The following INF2 variants were observed in gnomAD, a reference collection of about 807,000 sequenced individuals.
INF2 encodes the protein inverted formin 2.
Under a neutral mutation model 123.5 loss-of-function variants are expected in INF2, and 43 were observed. That is an observed-to-expected ratio of 0.35 (90% CI 0.27 to 0.45). The LOEUF is 0.45. Among genes scored for constraint, INF2 ranks in the 20% least tolerant of loss-of-function variants. The pLI is 1.00. For missense variants in INF2, 1,453 were observed against 1,682.7 expected (o/e 0.86, Z 2.39); for synonymous variants, 851 against 745.0 (o/e 1.14, Z -2.32).
At chr14:104,686,706 G>A (rs1046227547), upstream of INF2, among the ~76,000 whole-genome samples, 2 of 152,210 alleles carry the variant, frequency 1.3e-5, no homozygotes, top group African/African-American at 4.8e-5. Flanking sequence ...TGGCCAGGCT[G>A]CTGCTCAGGT....
intron 1 of INF2, among the ~76,000 whole-genome samples, chr14:104,698,109 G>C (rs1302979307): frequency 6.6e-6 from 1 of 152,246 alleles, no homozygotes; most frequent in Non-Finnish European, 1.5e-5. Flanking sequence ...GGGGAGCTCT[G>C]AGGACACATT....
Position 104,708,261 on chromosome 14 carries a change from C to T in INF2, c.1736-175C>T, listed in dbSNP as rs113514625. ...TCTGGGGTGCCATGGTGCCCTGGGG[C>T]CCTGCTACAGGTGCTCAGGTAGGGA... On this transcript the variant is annotated intron_variant, in intron 8 of 22. Transcript: ENST00000392634. 0.13 allele frequency: 120,629 copies of T among 905,310 alleles called. 8,910 individuals are homozygous for T. The highest frequency in any genetic ancestry group is 0.15 in the Non-Finnish European group (89,210 of 606,992). The allele number at this position is 905,310 out of a possible 1,614,324, so 56.1% of individuals were successfully genotyped here. A position where few individuals can be genotyped will look rare whatever the true frequency, so the allele number is the denominator to read the frequency against.
rs777655394 is a variant in INF2 at position 104,714,762 on chromosome 14, C to A, written c.3600C>A (p.Asp1200Glu). The A allele has an allele frequency of 6.2e-7, 1 of 1,600,306 alleles. No individual in the cohort carries two copies. The highest frequency in any genetic ancestry group is 8.5e-7 in the Non-Finnish European group (1 of 1,174,054). The change falls in exon 21 of 23, where the codon GAC (aspartate) becomes GAA (glutamate). Residue 1200 changes from aspartate (D) to glutamate (E), a missense_variant. Coordinates refer to ENST00000392634, the MANE Select transcript of INF2 (RefSeq NM_022489.4). Reference sequence around the variant, plus strand: ...CCTTCTCCGAGGATGCGGTGACCGACTCCTCGGGGTCGGGCACACTCCCCA... The same window carrying A: ...CCTTCTCCGAGGATGCGGTGACCGAATCCTCGGGGTCGGGCACACTCCCCA... Reference protein sequence around the residue: ...DKSFSEDAVTDSSGSGTLPRA... With the variant: ...DKSFSEDAVTESSGSGTLPRA...
Position 104,707,044 on chromosome 14 carries a change from C to T in INF2, c.978C>T (p.Ala326=). 1 of 1,579,938 alleles carries T rather than the reference C, an allele frequency of 6.3e-7. No homozygotes were observed. Among genetic ancestry groups the T allele is most frequent in the Middle Eastern group, 2.0e-4 (1 of 5,078 alleles). Residue 326 remains alanine (A), a synonymous_variant, in exon 7 of 23, where the codon GCC becomes GCT. Transcript: ENST00000392634. The part of the protein sequence containing the change: ...ESLVNRAVLL[A]SDAQECTLEE... Reference sequence around the variant, plus strand: ...TCGTGAACCGGGCCGTGCTCCTGGCCAGCGATGGTGAGGGGGCGGGGCAGG... The same window carrying T: ...TCGTGAACCGGGCCGTGCTCCTGGCTAGCGATGGTGAGGGGGCGGGGCAGG...
chr14:104,703,061 G>T, intron 2 of INF2, 44 bp from the exon 3 acceptor site: 1 of 1,477,878 alleles, frequency 6.8e-7, no homozygotes, highest in South Asian at 1.1e-5. Flanking sequence ...GGCATGGGAA[G>T]GGGTGCATTG....
In INF2 at chr14:104,714,384, G is replaced by A; in HGVS notation, c.3222G>A (p.Arg1074=). 6.2e-7 allele frequency: 1 copy of A among 1,600,964 alleles called. No homozygotes were observed. The highest frequency in any genetic ancestry group is 1.1e-5 in the South Asian group (1 of 89,334). ...AGGGTGGTCCACGGCCCCTGGAGAG[G>A]CGTTCTTCCTGGTATGTGGATGCCA... is the stretch of plus-strand genomic sequence containing the variant. The part of the protein sequence containing the change: ...LEEGGPRPLE[R]RSSWYVDASD... The change falls in exon 21 of 23, where the codon AGG becomes AGA. Residue 1074 remains arginine (R), a synonymous_variant. Coordinates refer to ENST00000392634, the MANE Select transcript of INF2 (RefSeq NM_022489.4).
intron 1 of INF2, among the ~76,000 whole-genome samples, chr14:104,695,591 A>AGTGACCCCTCCTCCCC: frequency 2.0e-5 from 3 of 149,912 alleles, no homozygotes; most frequent in Admixed American, 1.3e-4. Context: ...CTCTCCTCCC[A>AGTGACCCCTCCTCCCC]GTGACCCCTC....
rs752048486 is a variant in INF2 at position 104,711,160 on chromosome 14, G to C, written c.2392G>C (p.Val798Leu). 3.8e-6 allele frequency: 6 copies of C among 1,567,602 alleles called. 1 individual carries two copies. In the Admixed American group the frequency reaches 5.6e-5, roughly 15 times the overall value. Residue 798 changes from valine (V) to leucine (L), a missense_variant, in exon 15 of 23, where the codon GTG becomes CTG. Physicochemically the swap from Val to Leu is conservative, Grantham distance 32 (BLOSUM62 1). Around this residue, in one of 8 missense-constraint regions of INF2, gnomAD observed 31 missense variants for 86.0 expected, o/e 0.36. Transcript: ENST00000392634. ...GGAGACCAAGTCCCAGCAGAACCGC[G>C]TGACGCTGCTGCACCACGTGCTGGA... ...LTETKSQQNR[V>L]TLLHHVLEEA...
At position 104,714,578 on chromosome 14, in the gene INF2, G is replaced by A; in HGVS notation, c.3416G>A (p.Gly1139Asp). ...GCCAAGGATCCCACGTCCTTGCTGG[G>A]CGTCCTCCAGGCCGAGGCCGACAGC... ...QDAKDPTSLL[G>D]VLQAEADSTS... Residue 1139 changes from glycine to aspartate, a missense_variant, in exon 21 of 23, where the codon GGC (glycine) becomes GAC (aspartate). By Grantham distance (94) the Gly-to-Asp change is moderately conservative. This residue lies in a region of INF2 where 344 missense variants were observed against 333.1 expected (regional missense o/e 1.03). Coordinates refer to ENST00000392634, the MANE Select transcript of INF2 (RefSeq NM_022489.4). 6.2e-7 allele frequency: 1 copy of A among 1,612,624 alleles called. No homozygotes were observed. The highest frequency in any genetic ancestry group is 8.5e-7 in the Non-Finnish European group (1 of 1,179,872).
Position 104,707,776 on chromosome 14 carries a change from C to T in INF2, c.1509C>T (p.Pro503=), listed in dbSNP as rs1259728640. The change falls in exon 8 of 23, where the codon CCC becomes CCT. Residue 503 remains proline, a synonymous_variant. Transcript: ENST00000392634. ...PLPGLGCPPP[P]PPLLPGMGWG... is the part of the protein sequence containing the mutation. ...CGGGCTTGGGATGCCCGCCCCCACC[C>T]CCACCCCTGCTGCCTGGTATGGGCT... 3 of 1,375,550 alleles carry T rather than the reference C, an allele frequency of 2.2e-6. No homozygotes were observed. The highest frequency in any genetic ancestry group is 3.0e-6 in the Non-Finnish European group (3 of 997,048). 85.2% of individuals were successfully genotyped at this position (1,375,550 alleles called of 1,614,324 possible).
At position 104,711,687 on chromosome 14, in the gene INF2, C is replaced by T. The variant is rs1566784269; in HGVS notation, c.2477C>T (p.Ser826Leu). Residue 826 changes from serine (S) to leucine (L), a missense_variant, in exon 16 of 23, where the codon TCG becomes TTG. Physicochemically the swap from Ser to Leu is moderately radical, Grantham distance 145 (BLOSUM62 -2). Coordinates refer to ENST00000392634, the MANE Select transcript of INF2 (RefSeq NM_022489.4). ...LQLPRDLEQP[S>L]QAAGINLEII... ...CTGCCCCGGGACCTGGAACAGCCCTCGCAAGCAGCAGGGTAGGTAGCTCCT... is the reference window on the plus strand; with the variant it reads ...CTGCCCCGGGACCTGGAACAGCCCTTGCAAGCAGCAGGGTAGGTAGCTCCT... 5 of 1,612,350 alleles carry T rather than the reference C, an allele frequency of 3.1e-6. No homozygotes were observed. Among genetic ancestry groups the T allele is most frequent in the Non-Finnish European group, 4.2e-6 (5 of 1,179,656 alleles).
intron 1 of INF2, among the ~76,000 whole-genome samples, chr14:104,682,620 C>T (rs571973050): frequency 1.3e-5 from 2 of 152,224 alleles, no homozygotes; most frequent in African/African-American, 4.8e-5. Flanking sequence ...CAGAATCCAG[C>T]CATAACCTGG....
intron 2 of INF2, 37 bp from the exon 3 acceptor site, chr14:104,703,068 A>G: frequency 6.5e-7 from 1 of 1,538,616 alleles, no homozygotes; most frequent in Non-Finnish European, 9.0e-7. Flanking sequence ...GAAGGGGTGC[A>G]TTGGCCCTGC....
chr14:104,714,462 C>G lies in INF2; in HGVS notation c.3300C>G (p.Ala1100=), dbSNP rs755319597. 1.9e-6 allele frequency: 3 copies of G among 1,612,102 alleles called. No individual in the cohort carries two copies. In the African/African-American group the frequency reaches 4.0e-5, roughly 21 times the overall value. ...AGTGCCCCCAGCCCTTGGAGGGGGC[C>G]TGGCCGGTGACTCTGGGAGATGCTC... ...DPQCPQPLEG[A]WPVTLGDAQA... Residue 1100 remains alanine (A), a synonymous_variant, in exon 21 of 23, where the codon GCC becomes GCG. Transcript: ENST00000392634.
At chr14:104,709,772 C>G (rs1889957294) in intron 12 of INF2, 67 bp downstream of exon 12, 1 of 1,379,602 alleles carries the variant, frequency 7.2e-7, no homozygotes, top group Non-Finnish European at 1.0e-6. Flanking sequence ...GAATAGGGAG[C>G]AGGGCCCAGC....
rs1442369052 is a variant in INF2, at chr14:104,714,326, C to G, written c.3164C>G (p.Pro1055Arg). The change falls in exon 21 of 23, where the codon CCC becomes CGC. Residue 1055 changes from proline to arginine, a missense_variant. Around this residue, in one of 8 missense-constraint regions of INF2, gnomAD observed 344 missense variants for 333.1 expected, o/e 1.03. Coordinates refer to ENST00000392634, the MANE Select transcript of INF2 (RefSeq NM_022489.4). ...TGGGACCTTGTAGACGCCGTGACCC[C>G]CGGCCCTCAGCCCACCCTGGAGCAG... ...RGWDLVDAVTPGPQPTLEQLE... is the reference protein window; with the variant it reads ...RGWDLVDAVTRGPQPTLEQLE... The G allele has an allele frequency of 1.9e-6, 3 of 1,590,668 alleles. No individual in the cohort carries two copies.
chr14:104,716,739 G>A (rs905475452), intron 22 of INF2, among the ~76,000 whole-genome samples: 2 of 152,110 alleles, frequency 1.3e-5, no homozygotes, highest in African/African-American at 4.8e-5. Flanking sequence ...TGCCCAGGCT[G>A]GAGTGCAGTG....
intron 9 of INF2, 38 bp from the exon 10 acceptor site, chr14:104,708,632 AC>A (rs758794539): frequency 2.5e-6 from 4 of 1,612,490 alleles, no homozygotes; most frequent in Non-Finnish European, 3.4e-6. Context: ...CTGCCTGGCC[AC>A]CCTCCGGTAC....
chr14:104,703,547 C>T, intron 4 of INF2, 93 bp downstream of exon 4: 1 of 1,524,874 alleles, frequency 6.6e-7, no homozygotes, highest in South Asian at 1.1e-5. Context: ...GGGAGCGCCA[C>T]AAAAGCTGCC....
Sources: allele counts gnomAD v4.1 joint callset (sites outside exome capture counted in the v4.1 genomes callset), GRCh38; gene constraint gnomAD v4.1.1; regional missense constraint gnomAD v4.1.1; transcripts MANE v1.5; gene names NCBI Gene and HGNC (gene_info 2026-07-23, HGNC 2026-07-21).